The following PRKG1 variants were observed in gnomAD, a reference collection of about 807,000 sequenced individuals.
PRKG1 encodes the protein cGMP-dependent protein kinase 1.
PRKG1 carries 35 observed loss-of-function variants against 88.1 expected under a neutral mutation model. That is an observed-to-expected ratio of 0.40 (90% CI 0.30 to 0.53). The LOEUF is 0.53. Among genes scored for constraint, PRKG1 ranks in the 20% least tolerant of loss-of-function variants. The pLI is 0.59. For missense variants in PRKG1, 540 were observed against 839.8 expected (o/e 0.64, Z 4.41); for synonymous variants, 303 against 292.5 (o/e 1.04, Z -0.37).
chr10:51,648,067 T>C (rs1411804212), intron 3 of PRKG1, among the ~76,000 whole-genome samples: 1 of 149,136 alleles, frequency 6.7e-6, no homozygotes, highest in African/African-American at 2.5e-5. Flanking sequence ...CACACACACA[T>C]ATGTAATGTT....
chr10:51,420,821 C>G (rs1181332232), intron 2 of PRKG1, among the ~76,000 whole-genome samples: 1 of 152,154 alleles, frequency 6.6e-6, no homozygotes, highest in Non-Finnish European at 1.5e-5. Context: ...CTGCTGAGGC[C>G]TCAGGAAGCT....
chr10:51,000,464 T>C (rs563831235), intron 1 of PRKG1, among the ~76,000 whole-genome samples: 1 of 152,212 alleles, frequency 6.6e-6, no homozygotes, highest in Non-Finnish European at 1.5e-5. Context: ...AAAATCAGAA[T>C]CTTGACTCTG....
intron 3 of PRKG1, among the ~76,000 whole-genome samples, chr10:51,534,323 A>G (rs1160081566): frequency 6.6e-6 from 1 of 152,162 alleles, no homozygotes; most frequent in Non-Finnish European, 1.5e-5. Context: ...TGCAAAAGAT[A>G]TTTTGCATAA....
rs1380091647 is a variant in PRKG1, at chr10:52,043,162, G to C, written c.763-11322G>C. Among the ~76,000 whole-genome samples the C allele has an allele frequency of 2.0e-5, 3 of 152,048 alleles. No homozygotes were observed. The South Asian group carries it at 6.2e-4, about 31-fold the overall frequency. On this transcript the variant is annotated intron_variant, in intron 5 of 17. Coordinates refer to ENST00000373980, the MANE Select transcript of PRKG1 (RefSeq NM_006258.4). ...CATTTATATGGAAAACAGTATGGAGGTTCCTCAAAAAATTAGAAATAGAGC... is the reference window on the plus strand; with the variant it reads ...CATTTATATGGAAAACAGTATGGAGCTTCCTCAAAAAATTAGAAATAGAGC...
In PRKG1 at chr10:51,317,195, A is replaced by G. The variant is rs1209606742; in HGVS notation, c.479-150528A>G. ...TTTATACTTTTTCTAAGCACCAACT[A>G]TACACCCAACTATTGCTGAATTTTT... On this transcript the variant is annotated intron_variant, in intron 2 of 17. Transcript: ENST00000373980. 4.6e-5 allele frequency among the ~76,000 whole-genome samples: 7 copies of G among 152,152 alleles called. No individual in the cohort carries two copies. In the East Asian group the frequency reaches 1.2e-3, roughly 25 times the overall value.
intron 10 of PRKG1, among the ~76,000 whole-genome samples, chr10:52,262,265 T>TTTTG (rs1260671750): frequency 6.6e-6 from 1 of 152,032 alleles, no homozygotes; most frequent in African/African-American, 2.4e-5. Flanking sequence ...AGCTGGTTTT[T>TTTTG]TTTGTTTGTT....
In PRKG1 at chr10:51,869,378, A is replaced by G. The variant is rs10999849; in HGVS notation, c.699-38129A>G. 2.6e-5 allele frequency among the ~76,000 whole-genome samples: 4 copies of G among 151,664 alleles called. No homozygotes were observed. The East Asian group carries it at 5.8e-4, about 22-fold the overall frequency. The stretch of plus-strand genomic sequence containing the variant: ...TTGTGGTCCATTATGGCCATTCTGT[A>G]TAACTGCTGTTTTTTTTTTAATAAA... On this transcript the variant is annotated intron_variant, in intron 4 of 17. Coordinates refer to ENST00000373980, the MANE Select transcript of PRKG1 (RefSeq NM_006258.4).
chr10:51,396,443 C>A (rs1837579484), intron 2 of PRKG1, among the ~76,000 whole-genome samples: 2 of 151,786 alleles, frequency 1.3e-5, no homozygotes, highest in Admixed American at 1.3e-4. Context: ...TGGATCATTT[C>A]TATTAATTTA....
chr10:51,825,213 G>A (rs1839853080), intron 4 of PRKG1, among the ~76,000 whole-genome samples: 1 of 152,092 alleles, frequency 6.6e-6, no homozygotes, highest in Non-Finnish European at 1.5e-5. Flanking sequence ...TACATTTTCT[G>A]TATGGGCTAG....
intron 3 of PRKG1, among the ~76,000 whole-genome samples, chr10:51,639,427 A>C (rs1048883888): frequency 2.7e-5 from 3 of 109,706 alleles, no homozygotes; most frequent in Non-Finnish European, 5.1e-5. Flanking sequence ...ACAGAGCCAG[A>C]CTCCATCTCA....
chr10:51,312,981 TG>T (rs1841229621), intron 2 of PRKG1, among the ~76,000 whole-genome samples: 1 of 152,088 alleles, frequency 6.6e-6, no homozygotes, highest in East Asian at 1.9e-4. Context: ...AGTTTAGTTT[TG>T]TCATAATCTT....
intron 3 of PRKG1, among the ~76,000 whole-genome samples, chr10:51,783,147 G>T (rs1017517117): frequency 3.9e-5 from 6 of 152,038 alleles, no homozygotes; most frequent in African/African-American, 1.5e-4. Flanking sequence ...TTTTCCTTCA[G>T]GTTTTGAATA....
At chr10:51,429,587 A>T (rs1228126742) in intron 2 of PRKG1, among the ~76,000 whole-genome samples, 1 of 152,210 alleles carries the variant, frequency 6.6e-6, no homozygotes, top group African/African-American at 2.4e-5. Flanking sequence ...TTAAAGAATT[A>T]AAGTATGACA....
intron 5 of PRKG1, among the ~76,000 whole-genome samples, chr10:51,999,849 CTA>C (rs1178799761): frequency 2.6e-5 from 4 of 151,882 alleles, no homozygotes; most frequent in African/African-American, 9.7e-5. Flanking sequence ...CTTTTTTCAA[CTA>C]TATATTTTTT....
chr10:51,082,595 T>TG (rs528317125), intron 1 of PRKG1, among the ~76,000 whole-genome samples: 24 of 152,018 alleles, frequency 1.6e-4, no homozygotes, highest in African/African-American at 5.1e-4. Flanking sequence ...GTGTGTGTGT[T>TG]TGTTGTGTGT....
intron 2 of PRKG1, among the ~76,000 whole-genome samples, chr10:51,377,021 T>C (rs1283441359): frequency 2.0e-5 from 3 of 152,112 alleles, no homozygotes; most frequent in Non-Finnish European, 4.4e-5. Context: ...CAATTGGTGA[T>C]AAACCAAATG....
intron 2 of PRKG1, chr10:51,245,606 C>T (rs1839269078): frequency 6.6e-6 from 1 of 151,890 alleles, no homozygotes. Context: ...GCAGTCTCTG[C>T]CTTTGAGGAG....
intron 2 of PRKG1, among the ~76,000 whole-genome samples, chr10:51,442,099 C>T (rs1839130077): frequency 1.3e-5 from 2 of 151,484 alleles, no homozygotes; most frequent in African/African-American, 4.8e-5. Flanking sequence ...CATATTTGCT[C>T]ACTAAAGTTC....
intron 3 of PRKG1, among the ~76,000 whole-genome samples, chr10:51,522,177 A>G (rs1026289403): frequency 2.0e-5 from 3 of 152,202 alleles, no homozygotes; most frequent in South Asian, 2.1e-4. Flanking sequence ...TCACATTAGT[A>G]TATAACCATT....
Sources: gnomAD v4.1 joint callset for allele counts (sites outside exome capture counted in the v4.1 genomes callset) on GRCh38, gnomAD v4.1.1 for gene constraint, MANE v1.5 for transcripts, NCBI Gene and HGNC (gene_info 2026-07-23, HGNC 2026-07-21) for gene names.